Variants in TP53BP1 observed in about 807,000 individuals in gnomAD.
TP53BP1 encodes tumor protein p53 binding protein 1, also known as TP53-binding protein 1.
In TP53BP1, 61 loss-of-function variants were observed where a neutral mutation model predicts 200.8. The ratio of observed to expected loss-of-function variants is 0.30; its 90% CI spans 0.25 to 0.38. TP53BP1 has a LOEUF of 0.38. Among genes scored for constraint, TP53BP1 ranks in the 10% least tolerant of loss-of-function variants. The probability of loss-of-function intolerance (pLI) is 1.00; values close to 1 mark genes in which losing one functional copy is unlikely to be tolerated. For missense variants in TP53BP1, 2,144 were observed against 2,371.9 expected (o/e 0.90, Z 2.00); for synonymous variants, 822 against 844.3 (o/e 0.97, Z 0.46).
intron 24 of TP53BP1, 91 bp downstream of exon 24, chr15:43,413,028 A>G: frequency 7.9e-7 from 1 of 1,260,504 alleles, no homozygotes; most frequent in South Asian, 1.3e-5. Context: ...TGCCTCCTCT[A>G]CATACAACAG....
At chr15:43,468,857 A>G (rs1029405556) in intron 11 of TP53BP1, among the ~76,000 whole-genome samples, 1 of 152,214 alleles carries the variant, frequency 6.6e-6, no homozygotes, top group African/African-American at 2.4e-5. Flanking sequence ...TAGAGTCCTC[A>G]TTTTTAATAA....
upstream of TP53BP1, chr15:43,497,514 A>G (rs2079188497): frequency 1.1e-6 from 1 of 935,008 alleles, no homozygotes; most frequent in South Asian, 4.9e-5. Flanking sequence ...TTTCTTTCCA[A>G]TTCCTAACTT....
chr15:43,413,344 A>T lies in TP53BP1; in HGVS notation c.5090-10T>A. The T allele has an allele frequency of 6.2e-7, 1 of 1,610,556 alleles. No homozygotes were observed. Among genetic ancestry groups the T allele is most frequent in the South Asian group, 1.1e-5 (1 of 90,658 alleles). ...CCTGCCCCTACTGCACCTGGGAAGG[A>T]CAGGGGCACAGTTACTAGAGGGATA... On this transcript the variant is annotated splice_polypyrimidine_tract_variant and intron_variant, in intron 23 of 27. Coordinates refer to ENST00000382044, the MANE Select transcript of TP53BP1 (RefSeq NM_001141980.3).
At position 43,479,396 on chromosome 15, in the gene TP53BP1, C is replaced by A; in HGVS notation, c.788+1G>T. The A allele has an allele frequency of 6.3e-7, 1 of 1,599,454 alleles. No individual in the cohort carries two copies. The highest frequency in any genetic ancestry group is 8.5e-7 in the Non-Finnish European group (1 of 1,174,298). Reference sequence around the variant, plus strand: ...AATCCTTTTTAGAAAGTTCGGCTTACCTTGCAGGTGGTGGATTTTGCTCTT... The same window carrying A: ...AATCCTTTTTAGAAAGTTCGGCTTAACTTGCAGGTGGTGGATTTTGCTCTT... On this transcript the variant is annotated splice_donor_variant, in intron 7 of 27. Transcript: ENST00000382044. LOFTEE classifies it high-confidence loss of function.
chr15:43,491,818 G>T, intron 3 of TP53BP1, 65 bp from the exon 4 acceptor site: 1 of 1,364,182 alleles, frequency 7.3e-7, no homozygotes, highest in South Asian at 1.2e-5. Context: ...ACAAAATCAG[G>T]AATACAGACA....
rs149567425 is a variant in TP53BP1 at position 43,456,447 on chromosome 15, T to C, written c.2161A>G (p.Met721Val). ...CTAATCACACTGGTTTCAACTTCCA[T>C]AGCTTCTGAGCATTCTTTTTTTGGC... The part of the protein sequence containing the change: ...EMPKKECSEA[M>V]EVETSVISID... Residue 721 changes from methionine to valine, a missense_variant, in exon 12 of 28, where the codon ATG becomes GTG. Around this residue, in one of 4 missense-constraint regions of TP53BP1, gnomAD observed 1,700 missense variants for 1,710.3 expected, o/e 0.99. Transcript: ENST00000382044. 136 of 1,572,816 alleles carry C rather than the reference T, an allele frequency of 8.6e-5. No individual in the cohort carries two copies. The East Asian group carries it at 1.0e-3, about 12-fold the overall frequency.
intron 5 of TP53BP1, among the ~76,000 whole-genome samples, chr15:43,480,666 T>C (rs559366481): frequency 6.6e-6 from 1 of 152,200 alleles, no homozygotes; most frequent in East Asian, 1.9e-4. Flanking sequence ...AACAAATGAA[T>C]ACAAGAGGAA....
At chr15:43,503,109 C>A (rs976082144) in intron 1 of TP53BP1, among the ~76,000 whole-genome samples, 1 of 152,150 alleles carries the variant, frequency 6.6e-6, no homozygotes, top group African/African-American at 2.4e-5. Flanking sequence ...AAAATTGGGC[C>A]CATTTTAAGT....
intron 18 of TP53BP1, among the ~76,000 whole-genome samples, chr15:43,427,637 G>A (rs2045573785): frequency 6.6e-6 from 1 of 152,168 alleles, no homozygotes; most frequent in Non-Finnish European, 1.5e-5. Flanking sequence ...GGATGGGGTA[G>A]AAAGTCAAGA....
intron 16 of TP53BP1, among the ~76,000 whole-genome samples, chr15:43,435,439 C>T (rs955045440): frequency 4.6e-5 from 7 of 152,002 alleles, no homozygotes; most frequent in African/African-American, 1.7e-4. Context: ...AACAATATAA[C>T]CAACATCTTG....
In TP53BP1 at chr15:43,475,568, G is replaced by A; in HGVS notation, c.1082C>T (p.Ser361Phe). ...GQRSLVQDSL[S>F]TNSSDLVAPS... ...AAGCTATTTTAGGCTTACTTACGTG[G>A]AAAGACTGTCCTGAACAAGGGACCT... The change falls in exon 9 of 28, where the codon TCC (serine) becomes TTC (phenylalanine). Residue 361 changes from serine (S) to phenylalanine (F), a missense_variant. This residue lies in a region of TP53BP1 where 1,700 missense variants were observed against 1,710.3 expected (regional missense o/e 0.99). Coordinates refer to ENST00000382044, the MANE Select transcript of TP53BP1 (RefSeq NM_001141980.3). 1 of 1,614,040 alleles carries A rather than the reference G, an allele frequency of 6.2e-7. No individual in the cohort carries two copies. Among genetic ancestry groups the A allele is most frequent in the Non-Finnish European group, 8.5e-7 (1 of 1,179,972 alleles).
At chr15:43,459,669 C>CTT (rs879655790) in intron 11 of TP53BP1, among the ~76,000 whole-genome samples, 2 of 144,136 alleles carry the variant, frequency 1.4e-5, no homozygotes, top group African/African-American at 5.1e-5. Context: ...TCTTTTTTTT[C>CTT]TTTTTTTTTT....
rs1380980545 is a variant in TP53BP1, at chr15:43,432,454, T to C, written c.3415A>G (p.Thr1139Ala). Residue 1139 changes from threonine to alanine, a missense_variant, in exon 17 of 28, where the codon ACT becomes GCT. Thr to Ala is a moderately conservative substitution (Grantham distance 58). Transcript: ENST00000382044. Reference protein sequence around the residue: ...VLEDQKEGRSTNKENPSKALI... With the variant: ...VLEDQKEGRSANKENPSKALI... ...GCCTTACTAGGATTTTCCTTATTAG[T>C]ACTCCGTCCTTCTTTCTGGTCTTCT... The C allele has an allele frequency of 3.1e-6, 5 of 1,614,224 alleles. No homozygotes were observed. The East Asian group carries it at 1.1e-4, about 36-fold the overall frequency.
intron 11 of TP53BP1, among the ~76,000 whole-genome samples, chr15:43,463,761 C>A (rs2046495278): frequency 6.6e-6 from 1 of 152,214 alleles, no homozygotes; most frequent in Non-Finnish European, 1.5e-5. Flanking sequence ...CATAATCTCA[C>A]CCTGCCCCTC....
At chr15:43,469,803 T>C (rs951436734) in intron 11 of TP53BP1, 55 bp downstream of exon 11, 15 of 1,427,694 alleles carry the variant, frequency 1.1e-5, no homozygotes, top group Non-Finnish European at 1.5e-5. Context: ...TATACCCCAA[T>C]AATGCTGCTT....
At chr15:43,503,741 A>C (rs1424481579) in intron 1 of TP53BP1, among the ~76,000 whole-genome samples, 1 of 152,110 alleles carries the variant, frequency 6.6e-6, no homozygotes, top group Non-Finnish European at 1.5e-5. Context: ...CTTAGTCTGA[A>C]GTCTCACCCT....
At chr15:43,464,282 T>C (rs1004425717) in intron 11 of TP53BP1, among the ~76,000 whole-genome samples, 1 of 152,220 alleles carries the variant, frequency 6.6e-6, no homozygotes, top group African/African-American at 2.4e-5. Flanking sequence ...AAAACTGTTA[T>C]TAATACTGTT....
At chr15:43,441,415 G>A (rs1197647420) in intron 15 of TP53BP1, 111 bp downstream of exon 15, 2 of 755,838 alleles carry the variant, frequency 2.6e-6, no homozygotes, top group Non-Finnish European at 4.8e-6. Flanking sequence ...CTTTATGAAA[G>A]AGTCTCATTT....
At chr15:43,502,084 CT>C (rs1198673489) in intron 1 of TP53BP1, among the ~76,000 whole-genome samples, 6 of 152,124 alleles carry the variant, frequency 3.9e-5, no homozygotes, top group African/African-American at 1.4e-4. Flanking sequence ...TTTTGGGAGG[CT>C]GAGTTGAGAG....
Sources: gnomAD v4.1 joint callset for allele counts (sites outside exome capture counted in the v4.1 genomes callset) on GRCh38, gnomAD v4.1.1 for gene constraint, gnomAD v4.1.1 regional missense constraint, MANE v1.5 for transcripts, NCBI Gene and HGNC (gene_info 2026-07-23, HGNC 2026-07-21) for gene names.